MCTP1: variants seen among roughly 807,000 people sequenced by gnomAD.
MCTP1 encodes multiple C2 and transmembrane domain containing 1.
MCTP1 carries 69 observed loss-of-function variants against 120.6 expected under a neutral mutation model. That is an observed-to-expected ratio of 0.57 (90% CI 0.47 to 0.70). The LOEUF (loss-of-function observed/expected upper bound fraction) is 0.70. Among genes scored for constraint, MCTP1 ranks in the 30% least tolerant of loss-of-function variants. The probability of loss-of-function intolerance (pLI) is 0.00; values close to 1 mark genes in which losing one functional copy is unlikely to be tolerated. For missense variants in MCTP1, 1,203 were observed against 1,248.8 expected (o/e 0.96, Z 0.55); for synonymous variants, 529 against 493.1 (o/e 1.07, Z -0.96).
intron 2 of MCTP1, among the ~76,000 whole-genome samples, chr5:94,991,154 A>G (rs1391813344): frequency 2.0e-5 from 3 of 152,194 alleles, no homozygotes; most frequent in East Asian, 3.8e-4. Flanking sequence ...CATTTTAAAG[A>G]TAATTCCTTA....
chr5:94,965,622 A>C (rs1825406595), intron 2 of MCTP1, among the ~76,000 whole-genome samples: 1 of 152,166 alleles, frequency 6.6e-6, no homozygotes, highest in Non-Finnish European at 1.5e-5. Flanking sequence ...GGTATTTGTT[A>C]AATAAGTAAA....
intron 2 of MCTP1, among the ~76,000 whole-genome samples, chr5:95,002,769 G>T (rs189017672): frequency 9.5e-4 from 144 of 152,306 alleles, no homozygotes; most frequent in African/African-American, 3.2e-3. Context: ...GGACTTTTGG[G>T]TTAATGCTGG....
At chr5:95,073,859 T>A (rs1752862495) in intron 1 of MCTP1, among the ~76,000 whole-genome samples, 1 of 152,170 alleles carries the variant, frequency 6.6e-6, no homozygotes. Flanking sequence ...ATGCCTGTAA[T>A]CCCAGCACTT....
At chr5:95,090,954 G>A (rs755605627) in intron 1 of MCTP1, among the ~76,000 whole-genome samples, 23 of 152,234 alleles carry the variant, frequency 1.5e-4, no homozygotes, top group South Asian at 8.3e-4. Context: ...GGCAAAAAAC[G>A]CAATTACTTT....
intron 1 of MCTP1, among the ~76,000 whole-genome samples, chr5:95,156,864 G>A (rs1352473483): frequency 6.6e-6 from 1 of 152,132 alleles, no homozygotes; most frequent in Non-Finnish European, 1.5e-5. Context: ...AACAGACTTG[G>A]CAGTAAAATA....
intron 1 of MCTP1, among the ~76,000 whole-genome samples, chr5:95,236,568 G>A (rs115479017): frequency 0.013 from 2,033 of 152,264 alleles, 29 homozygotes; most frequent in Middle Eastern, 0.024. Context: ...GGTCCAGATA[G>A]AGGTTATATA....
At chr5:95,030,660 T>A (rs937788806) in intron 1 of MCTP1, among the ~76,000 whole-genome samples, 1 of 151,902 alleles carries the variant, frequency 6.6e-6, no homozygotes, top group African/African-American at 2.4e-5. Flanking sequence ...AAGGGAAAAA[T>A]GATATTTTTA....
intron 1 of MCTP1, among the ~76,000 whole-genome samples, chr5:95,134,753 A>T (rs188609535): frequency 4.7e-4 from 72 of 152,306 alleles, no homozygotes; most frequent in African/African-American, 1.7e-3. Flanking sequence ...GGCCAAGCTC[A>T]GAGTCAGAGT....
At chr5:95,152,166 T>C (rs1760953604) in intron 1 of MCTP1, among the ~76,000 whole-genome samples, 1 of 152,214 alleles carries the variant, frequency 6.6e-6, no homozygotes, top group African/African-American at 2.4e-5. Context: ...TCACTTGCTC[T>C]CCACCACCCT....
chr5:94,838,913 C>T lies in MCTP1; in HGVS notation c.2436+29420G>A, dbSNP rs185551497. Among the ~76,000 whole-genome samples, 12 of 152,244 alleles carry T rather than the reference C, an allele frequency of 7.9e-5. No individual in the cohort carries two copies. In the East Asian group the frequency reaches 1.9e-3, roughly 24 times the overall value. On this transcript the variant is annotated intron_variant, in intron 17 of 22. Transcript: ENST00000515393. ...GGACTGATTAGACTGAAGGGATCCT[C>T]AGAGGTCTTGGTGTTAAAATTCTCT...
intron 19 of MCTP1, among the ~76,000 whole-genome samples, chr5:94,761,464 A>G (rs1771322770): frequency 6.6e-6 from 1 of 152,236 alleles, no homozygotes. Context: ...TAAATCAAAA[A>G]CAAAAATAAA....
At chr5:95,041,119 T>C (rs1283405355) in intron 1 of MCTP1, among the ~76,000 whole-genome samples, 2 of 151,916 alleles carry the variant, frequency 1.3e-5, no homozygotes, top group Admixed American at 6.6e-5. Context: ...AATTATGAAA[T>C]AGCTAACACT....
intron 1 of MCTP1, among the ~76,000 whole-genome samples, chr5:95,132,767 T>C (rs1759143420): frequency 6.6e-6 from 1 of 152,178 alleles, no homozygotes; most frequent in African/African-American, 2.4e-5. Context: ...AGAAGTCTCA[T>C]GAGCTTTGGC....
At chr5:94,921,953 A>T (rs1390272247) in intron 7 of MCTP1, among the ~76,000 whole-genome samples, 1 of 152,180 alleles carries the variant, frequency 6.6e-6, no homozygotes, top group East Asian at 1.9e-4. Context: ...TCTTCAAAAC[A>T]TTTATTTGTA....
intron 2 of MCTP1, among the ~76,000 whole-genome samples, chr5:94,973,461 C>G (rs1251609957): frequency 6.6e-6 from 1 of 152,108 alleles, no homozygotes; most frequent in Non-Finnish European, 1.5e-5. Context: ...TGGTTACACC[C>G]ACTCAGTGAA....
intron 1 of MCTP1, among the ~76,000 whole-genome samples, chr5:95,027,074 CCA>C (rs1433119016): frequency 1.3e-5 from 2 of 152,084 alleles, no homozygotes; most frequent in East Asian, 1.9e-4. Flanking sequence ...AATTCAAAAG[CCA>C]CAGAGATATT....
At chr5:95,169,310 G>A (rs1049051985) in intron 1 of MCTP1, among the ~76,000 whole-genome samples, 27 of 152,292 alleles carry the variant, frequency 1.8e-4, no homozygotes, top group Admixed American at 1.7e-3. Flanking sequence ...GTATTTTATT[G>A]AGGATTTTTG....
At chr5:95,153,946 C>T (rs1468253699) in intron 1 of MCTP1, among the ~76,000 whole-genome samples, 2 of 151,922 alleles carry the variant, frequency 1.3e-5, no homozygotes, top group African/African-American at 4.8e-5. Flanking sequence ...ATTTCTAAAA[C>T]AATGTAAAAA....
At chr5:95,252,961 A>C (rs1757519545) in intron 1 of MCTP1, among the ~76,000 whole-genome samples, 1 of 152,152 alleles carries the variant, frequency 6.6e-6, no homozygotes, top group Non-Finnish European at 1.5e-5. Context: ...TTGCCCATCT[A>C]ATTTGACATT....
Sources: allele counts gnomAD v4.1 joint callset (sites outside exome capture counted in the v4.1 genomes callset), GRCh38; gene constraint gnomAD v4.1.1; transcripts MANE v1.5; gene names NCBI Gene and HGNC (gene_info 2026-07-23, HGNC 2026-07-21).